IGSF11: variants seen among roughly 807,000 people sequenced by gnomAD.
IGSF11 encodes the protein CXADR like 1.
Under a neutral mutation model 41.0 loss-of-function variants are expected in IGSF11, and 22 were observed. That is an observed-to-expected ratio of 0.54 (90% CI 0.38 to 0.77). IGSF11 has a LOEUF of 0.77. Ranked by LOEUF, IGSF11 falls within the 30% of genes least tolerant of loss-of-function variation. The pLI is 0.00. For missense variants in IGSF11, 444 were observed against 530.8 expected (o/e 0.84, Z 1.61); for synonymous variants, 219 against 201.3 (o/e 1.09, Z -0.74).
intron 1 of IGSF11, among the ~76,000 whole-genome samples, chr3:118,964,926 C>A (rs1257981824): frequency 6.6e-6 from 1 of 152,114 alleles, no homozygotes; most frequent in African/African-American, 2.4e-5. Flanking sequence ...TTCCTAACCA[C>A]TAAACCCAAT....
intron 1 of IGSF11, among the ~76,000 whole-genome samples, chr3:118,954,388 C>T (rs1944802775): frequency 6.6e-6 from 1 of 151,936 alleles, no homozygotes. Flanking sequence ...GCTATGAAGG[C>T]TTTTTTGGGG....
chr3:118,946,324 GACTAACC>G (rs1182367120), intron 1 of IGSF11, among the ~76,000 whole-genome samples: 2 of 151,098 alleles, frequency 1.3e-5, no homozygotes, highest in African/African-American at 2.4e-5. Context: ...TGCTATGGAA[GACTAACC>G]ACTAAAACAC....
At chr3:119,061,671 C>T (rs1942055382) in intron 1 of IGSF11, among the ~76,000 whole-genome samples, 1 of 152,158 alleles carries the variant, frequency 6.6e-6, no homozygotes, top group African/African-American at 2.4e-5. Flanking sequence ...AACTATATAT[C>T]AGCCTTTCAC....
At chr3:119,095,540 T>C (rs751156711) in intron 1 of IGSF11, among the ~76,000 whole-genome samples, 2 of 152,174 alleles carry the variant, frequency 1.3e-5, no homozygotes, top group Non-Finnish European at 2.9e-5. Flanking sequence ...AGCTAACAAA[T>C]TAACCTATTA....
In IGSF11 at chr3:119,034,692, A is replaced by C. The variant is rs1447923035; in HGVS notation, c.-110T>G. On this transcript the variant is annotated 5_prime_UTR_variant, in exon 1 of 7. Coordinates refer to ENST00000393775, the MANE Select transcript of IGSF11 (RefSeq NM_001015887.3). The stretch of plus-strand genomic sequence containing the variant: ...GGGGCAGCCTGGTCCTCCCACACCC[A>C]GCGCCGGGCCGCTGTTCCCCGCGCA... 3.6e-6 allele frequency: 5 copies of C among 1,396,058 alleles called. No individual in the cohort carries two copies. Among genetic ancestry groups the C allele is most frequent in the South Asian group, 1.6e-5 (1 of 62,720 alleles). 86.5% of individuals were successfully genotyped at this position (1,396,058 alleles called of 1,614,324 possible). A position where few individuals can be genotyped will look rare whatever the true frequency, so the allele number is the denominator to read the frequency against.
chr3:119,078,024 A>T (rs2076528692), intron 1 of IGSF11, among the ~76,000 whole-genome samples: 1 of 152,234 alleles, frequency 6.6e-6, no homozygotes, highest in Non-Finnish European at 1.5e-5. Context: ...CAGCAATGGC[A>T]CAAACCAATG....
chr3:119,136,745 G>A (rs2077568444), intron 1 of IGSF11, among the ~76,000 whole-genome samples: 1 of 151,978 alleles, frequency 6.6e-6, no homozygotes, highest in Admixed American at 6.6e-5. Flanking sequence ...TTTCAGCATT[G>A]GACAGATCTT....
chr3:119,022,641 G>A (rs569887778), intron 1 of IGSF11, among the ~76,000 whole-genome samples: 143 of 152,248 alleles, frequency 9.4e-4, no homozygotes, highest in African/African-American at 3.3e-3. Context: ...AGTAATCAGG[G>A]AAGTACAAAA....
At chr3:119,047,071 G>C (rs1360970207) in intron 1 of IGSF11, among the ~76,000 whole-genome samples, 3 of 147,730 alleles carry the variant, frequency 2.0e-5, no homozygotes, top group South Asian at 4.7e-4. Context: ...ATCGAGACTA[G>C]GAAGAAACTG....
At position 119,114,512 on chromosome 3, in the gene IGSF11, A is replaced by G. The variant is rs1453526036; in HGVS notation, c.-13-9307T>C. 9.9e-5 allele frequency among the ~76,000 whole-genome samples: 15 copies of G among 152,222 alleles called. 1 individual carries two copies. Among genetic ancestry groups the G allele is most frequent in the Admixed American group, 9.8e-4 (15 of 15,286 alleles). ...AGGCACAATGCCTCCAACCTCTTTG[A>G]TAACACATAACAAAAGTGATCTTTG... On this transcript the variant is annotated intron_variant, in intron 1 of 7. Coordinates refer to the IGSF11 transcript ENST00000425327.
chr3:119,068,388 T>C (rs1345529518), intron 1 of IGSF11, among the ~76,000 whole-genome samples: 1 of 152,240 alleles, frequency 6.6e-6, no homozygotes, highest in Non-Finnish European at 1.5e-5. Context: ...AGAAAATGGA[T>C]ATTAGGTGGG....
chr3:118,994,156 C>T (rs937656405), intron 1 of IGSF11, among the ~76,000 whole-genome samples: 14 of 152,162 alleles, frequency 9.2e-5, no homozygotes, highest in Non-Finnish European at 1.2e-4. Flanking sequence ...CTCCTATCAA[C>T]CTGTGTCTAT....
chr3:119,052,337 A>C (rs983430325), intron 1 of IGSF11, among the ~76,000 whole-genome samples: 2 of 151,636 alleles, frequency 1.3e-5, no homozygotes, highest in African/African-American at 4.8e-5. Context: ...AAAATTATCC[A>C]GGTGTGGTGG....
In IGSF11 at chr3:119,034,646, G is replaced by A; in HGVS notation, c.-64C>T. 1.3e-6 allele frequency: 2 copies of A among 1,498,804 alleles called. No homozygotes were observed. Among genetic ancestry groups the A allele is most frequent in the Non-Finnish European group, 1.8e-6 (2 of 1,120,036 alleles). The allele number at this position is 1,498,804 out of a possible 1,614,324, so 92.8% of individuals were successfully genotyped here. A position where few individuals can be genotyped will look rare whatever the true frequency, so the allele number is the denominator to read the frequency against. On this transcript the variant is annotated 5_prime_UTR_variant, in exon 1 of 7. Transcript: ENST00000393775. ...TCCCGGTCGCAACAGGAGAGGAGCG[G>A]GCGTGAGTCTCCGCGCTCTTGGGGC...
intron 1 of IGSF11, among the ~76,000 whole-genome samples, chr3:119,131,317 G>A (rs914266694): frequency 1.3e-5 from 2 of 152,114 alleles, no homozygotes; most frequent in African/African-American, 4.8e-5. Context: ...AAAAAGGTTA[G>A]ATGAATGGGT....
At chr3:118,998,845 A>T (rs1392449706) in intron 1 of IGSF11, among the ~76,000 whole-genome samples, 1 of 152,138 alleles carries the variant, frequency 6.6e-6, no homozygotes, top group Non-Finnish European at 1.5e-5. Flanking sequence ...AAATTAAGCA[A>T]CCTTTACATT....
rs189979457 is a variant in IGSF11, at chr3:118,968,597, T to A, written c.53-38322A>T. ...AAAGGGGATCCTAATTAACAACAGA[T>A]AACTTAGCAATTAAAAAATATTACA... is the stretch of plus-strand genomic sequence containing the variant. On this transcript the variant is annotated intron_variant, in intron 1 of 6. Coordinates refer to ENST00000393775, the MANE Select transcript of IGSF11 (RefSeq NM_001015887.3). Among the ~76,000 whole-genome samples, 53 of 152,318 alleles carry A rather than the reference T, an allele frequency of 3.5e-4. 1 individual carries two copies. Among genetic ancestry groups the A allele is most frequent in the Admixed American group, 3.2e-3 (49 of 15,296 alleles).
chr3:118,969,647 T>C (rs891877362), intron 1 of IGSF11, among the ~76,000 whole-genome samples: 1 of 152,234 alleles, frequency 6.6e-6, no homozygotes, highest in Non-Finnish European at 1.5e-5. Flanking sequence ...TGGGAGTTTA[T>C]TTCTGTACAA....
intron 1 of IGSF11, among the ~76,000 whole-genome samples, chr3:119,026,474 T>C (rs1025395619): frequency 1.3e-5 from 2 of 152,204 alleles, no homozygotes; most frequent in African/African-American, 2.4e-5. Context: ...CCTTTTTCCC[T>C]GGGTTAACAT....
Sources: gnomAD v4.1 joint callset for allele counts (sites outside exome capture counted in the v4.1 genomes callset) on GRCh38, gnomAD v4.1.1 for gene constraint, MANE v1.5 for transcripts, NCBI Gene and HGNC (gene_info 2026-07-23, HGNC 2026-07-21) for gene names.